The following GAB1 variants were observed in gnomAD, a reference collection of about 807,000 sequenced individuals.
GAB1 encodes GRB2 associated binding protein 1.
A neutral mutation model predicts 66.5 loss-of-function variants in GAB1; 19 were observed. That is an observed-to-expected ratio of 0.29 (90% CI 0.20 to 0.42). The LOEUF is 0.42. Ranked by LOEUF, GAB1 falls within the 10% of genes least tolerant of loss-of-function variation. The pLI is 1.00. For synonymous variants in GAB1, 294 were observed against 301.4 expected (o/e 0.98, Z 0.25); for missense variants, 732 against 858.5 (o/e 0.85, Z 1.84).
At chr4:143,415,835 A>T in intron 2 of GAB1, 64 bp downstream of exon 2, 1 of 1,225,190 alleles carries the variant, frequency 8.2e-7, no homozygotes, top group Non-Finnish European at 1.1e-6. Context: ...CAGAAATGTC[A>T]TACAATTCTT....
At chr4:143,436,713 G>A (rs560215528) in intron 3 of GAB1, among the ~76,000 whole-genome samples, 3 of 152,264 alleles carry the variant, frequency 2.0e-5, no homozygotes, top group Admixed American at 2.0e-4. Flanking sequence ...TTCAATGCAA[G>A]CCAGGAAAAG....
At chr4:143,353,912 AAG>A (rs1196603185) in intron 1 of GAB1, among the ~76,000 whole-genome samples, 2 of 152,182 alleles carry the variant, frequency 1.3e-5, no homozygotes, top group Non-Finnish European at 2.9e-5. Flanking sequence ...ATCTGCTCAC[AAG>A]ATTTTATAGA....
chr4:143,446,669 A>G (rs1734566117), intron 6 of GAB1, among the ~76,000 whole-genome samples: 1 of 152,038 alleles, frequency 6.6e-6, no homozygotes, highest in Admixed American at 6.6e-5. Context: ...AATTTGTTTG[A>G]GTTCATTGTA....
intron 1 of GAB1, among the ~76,000 whole-genome samples, chr4:143,343,933 A>G (rs1226214965): frequency 3.9e-5 from 6 of 152,198 alleles, no homozygotes; most frequent in Admixed American, 3.9e-4. Flanking sequence ...GCTAAGATCT[A>G]ATGTTCCTCA....
At chr4:143,371,535 C>A (rs1730121060) in intron 1 of GAB1, among the ~76,000 whole-genome samples, 1 of 151,692 alleles carries the variant, frequency 6.6e-6, no homozygotes, top group African/African-American at 2.4e-5. Flanking sequence ...TTTTGCTGTG[C>A]AGAAGCTCTT....
chr4:143,413,111 T>G (rs1187961712), intron 1 of GAB1, among the ~76,000 whole-genome samples: 1 of 152,228 alleles, frequency 6.6e-6, no homozygotes, highest in African/African-American at 2.4e-5. Flanking sequence ...AAGTCATTTC[T>G]GTATTTAAAG....
At chr4:143,425,505 CTG>C in intron 2 of GAB1, 1 of 762,034 alleles carries the variant, frequency 1.3e-6, no homozygotes, top group Non-Finnish European at 2.4e-6. Flanking sequence ...AGATTCTCCT[CTG>C]TGCCATGTGG....
chr4:143,469,790 T>TA lies in GAB1; in HGVS notation c.*603dup, dbSNP rs1735992803. 6.5e-6 allele frequency: 1 copy of TA among 152,682 alleles called. No individual in the cohort carries two copies. Among genetic ancestry groups the TA allele is most frequent in the African/African-American group, 2.4e-5 (1 of 41,468 alleles). 9.5% of individuals were successfully genotyped at this position (152,682 alleles called of 1,614,324 possible). ...CTCTGGTTAATGTACATTTAGTTTT[T>TA]AATGGTGGAACTTTGTTATATTTTG... On this transcript the variant is annotated 3_prime_UTR_variant, in exon 10 of 10. Coordinates refer to ENST00000262994, the MANE Select transcript of GAB1 (RefSeq NM_002039.4).
rs1190741054 is a variant in GAB1 at position 143,415,450 on chromosome 4, G to A, written c.73-27G>A. On this transcript the variant is annotated intron_variant, in intron 1 of 9. Coordinates refer to ENST00000262994, the MANE Select transcript of GAB1 (RefSeq NM_002039.4). Reference sequence around the variant, plus strand: ...GAAAACATTATCTCAAGTTAATACTGAATGGATATTTTTGTTTTGTTTCTA... The same window carrying A: ...GAAAACATTATCTCAAGTTAATACTAAATGGATATTTTTGTTTTGTTTCTA... The A allele has an allele frequency of 1.9e-6, 3 of 1,546,786 alleles. No homozygotes were observed. In the South Asian group the frequency reaches 3.6e-5, roughly 19 times the overall value.
intron 1 of GAB1, among the ~76,000 whole-genome samples, chr4:143,351,662 T>G (rs1729232739): frequency 6.6e-6 from 1 of 152,160 alleles, no homozygotes; most frequent in African/African-American, 2.4e-5. Flanking sequence ...CCTTCCCCAC[T>G]TCCATATCAT....
intron 1 of GAB1, among the ~76,000 whole-genome samples, chr4:143,345,604 A>T (rs1728961382): frequency 6.6e-6 from 1 of 152,216 alleles, no homozygotes; most frequent in Non-Finnish European, 1.5e-5. Context: ...TTCTTTAAGA[A>T]TACTGCACGT....
At chr4:143,361,372 C>G (rs960879612) in intron 1 of GAB1, among the ~76,000 whole-genome samples, 4 of 152,138 alleles carry the variant, frequency 2.6e-5, no homozygotes, top group Non-Finnish European at 5.9e-5. Context: ...CTTACTCTTA[C>G]TGGGGAGATC....
intron 2 of GAB1, chr4:143,417,434 A>G: frequency 4.6e-6 from 2 of 431,782 alleles, no homozygotes; most frequent in South Asian, 3.3e-5. Flanking sequence ...TTGAGATAGG[A>G]TCTCACTTTG....
At chr4:143,386,875 C>T (rs1032397399) in intron 1 of GAB1, among the ~76,000 whole-genome samples, 2 of 152,150 alleles carry the variant, frequency 1.3e-5, no homozygotes, top group African/African-American at 4.8e-5. Flanking sequence ...GTAGTTGCTG[C>T]AGAGATCATA....
intron 1 of GAB1, among the ~76,000 whole-genome samples, chr4:143,358,072 C>T (rs1729518482): frequency 6.6e-6 from 1 of 152,082 alleles, no homozygotes; most frequent in African/African-American, 2.4e-5. Context: ...GTACGTTAAA[C>T]CAAGCCCTAA....
rs1736092413 is a variant in GAB1, at chr4:143,471,783, G to A, written c.*2594G>A. ...TATACAAAAATAAGTTATCCTGGTA[G>A]TGGAAGTTAATACATAAGCAGTCTC... On this transcript the variant is annotated 3_prime_UTR_variant, in exon 10 of 10. Coordinates refer to ENST00000262994, the MANE Select transcript of GAB1 (RefSeq NM_002039.4). 6.6e-6 allele frequency: 1 copy of A among 152,180 alleles called. No homozygotes were observed. Among genetic ancestry groups the A allele is most frequent in the Admixed American group, 6.5e-5 (1 of 15,272 alleles). 9.4% of individuals were successfully genotyped at this position (152,180 alleles called of 1,614,324 possible). A position where few individuals can be genotyped will look rare whatever the true frequency, so the allele number is the denominator to read the frequency against.
At chr4:143,426,120 C>T (rs910907378) in intron 2 of GAB1, 3 of 463,166 alleles carry the variant, frequency 6.5e-6, no homozygotes, top group African/African-American at 5.9e-5. Flanking sequence ...GTTGGTTCAC[C>T]TTCTATTTAC....
intron 6 of GAB1, among the ~76,000 whole-genome samples, chr4:143,448,041 A>G (rs972150494): frequency 2.0e-5 from 3 of 152,140 alleles, no homozygotes; most frequent in Non-Finnish European, 2.9e-5. Flanking sequence ...ATCTATTGAG[A>G]TAATCATGTA....
At chr4:143,373,636 C>A (rs1730251911) in intron 1 of GAB1, among the ~76,000 whole-genome samples, 1 of 151,932 alleles carries the variant, frequency 6.6e-6, no homozygotes, top group Non-Finnish European at 1.5e-5. Flanking sequence ...TGAGACCAGC[C>A]TGGGCAACAT....
Sources: allele counts gnomAD v4.1 joint callset (sites outside exome capture counted in the v4.1 genomes callset), GRCh38; gene constraint gnomAD v4.1.1; transcripts MANE v1.5; gene names NCBI Gene and HGNC (gene_info 2026-07-23, HGNC 2026-07-21).